Variants in MDGA2 observed in about 807,000 individuals in gnomAD.
MDGA2 encodes MAM domain-containing glycosylphosphatidylinositol anchor protein 2.
MDGA2 carries 40 observed loss-of-function variants against 117.8 expected under a neutral mutation model. That is an observed-to-expected ratio of 0.34 (90% CI 0.26 to 0.44). The LOEUF is 0.44. Among genes scored for constraint, MDGA2 ranks in the 20% least tolerant of loss-of-function variants. The pLI is 1.00. For missense variants in MDGA2, 1,123 were observed against 1,250.6 expected, an observed-to-expected ratio of 0.90 and a Z score of 1.54; for synonymous variants, 452 against 439.0, an observed-to-expected ratio of 1.03 and a Z score of -0.37.
chr14:46,924,331 AATT>A (rs1381863950), intron 9 of MDGA2, among the ~76,000 whole-genome samples: 3 of 152,092 alleles, frequency 2.0e-5, no homozygotes, highest in African/African-American at 7.2e-5. Flanking sequence ...AATTAAAAAC[AATT>A]ATTATTCCCA....
At chr14:47,001,330 A>G (rs1256940884) in intron 8 of MDGA2, among the ~76,000 whole-genome samples, 4 of 152,152 alleles carry the variant, frequency 2.6e-5, no homozygotes, top group Non-Finnish European at 5.9e-5. Context: ...TTAATAAGAA[A>G]TTGAGTTCTG....
chr14:46,861,534 G>A (rs1024279117), intron 14 of MDGA2, among the ~76,000 whole-genome samples: 2 of 151,834 alleles, frequency 1.3e-5, no homozygotes, highest in Non-Finnish European at 3.0e-5. Context: ...AATTATCCCA[G>A]AGGTCTTATT....
At chr14:46,854,991 C>T (rs771742806) in intron 15 of MDGA2, 33 bp downstream of exon 15, 3 of 1,544,982 alleles carry the variant, frequency 1.9e-6, no homozygotes, top group Admixed American at 2.0e-5. Context: ...TGCTCATTTA[C>T]AGCAATTAAT....
At chr14:47,516,968 A>T (rs1894765986) in intron 1 of MDGA2, among the ~76,000 whole-genome samples, 1 of 152,190 alleles carries the variant, frequency 6.6e-6, no homozygotes, top group Non-Finnish European at 1.5e-5. Flanking sequence ...ATAATAAAAA[A>T]ATTGCCCCAT....
At chr14:46,970,371 G>C (rs761993780) in intron 8 of MDGA2, among the ~76,000 whole-genome samples, 8 of 152,108 alleles carry the variant, frequency 5.3e-5, no homozygotes, top group Non-Finnish European at 1.0e-4. Context: ...CAATGGAATG[G>C]AGTAATGAGT....
At chr14:46,932,235 A>G (rs922289995) in intron 9 of MDGA2, among the ~76,000 whole-genome samples, 3 of 151,960 alleles carry the variant, frequency 2.0e-5, no homozygotes, top group African/African-American at 7.2e-5. Flanking sequence ...GGCAACTTCA[A>G]TTTTCTTTTC....
At chr14:47,671,741 TC>T (rs1320467129) in intron 1 of MDGA2, among the ~76,000 whole-genome samples, 1 of 152,354 alleles carries the variant, frequency 6.6e-6, no homozygotes, top group Admixed American at 6.5e-5. Flanking sequence ...TTTAAATTAA[TC>T]ATTCTCAAAG....
intron 3 of MDGA2, among the ~76,000 whole-genome samples, chr14:47,178,312 A>T (rs1884559158): frequency 6.6e-6 from 1 of 152,120 alleles, no homozygotes; most frequent in Non-Finnish European, 1.5e-5. Context: ...CATATCTAAA[A>T]AGCATTCAAG....
At chr14:47,561,158 G>GTTTTT (rs200625450) in intron 1 of MDGA2, among the ~76,000 whole-genome samples, 3 of 55,096 alleles carry the variant, frequency 5.4e-5, no homozygotes, top group Admixed American at 2.5e-4. Flanking sequence ...TTTTTGTTTT[G>GTTTTT]TTTTGTTTTT....
At chr14:47,378,886 A>G (rs9671482) in intron 1 of MDGA2, among the ~76,000 whole-genome samples, 109,763 of 151,926 alleles carry the variant, frequency 0.72, 39,917 homozygotes, top group Middle Eastern at 0.82. Flanking sequence ...GATACTCCTC[A>G]AGAAGAGCAA....
chr14:46,978,468 C>T (rs1886550016), intron 8 of MDGA2, among the ~76,000 whole-genome samples: 1 of 151,900 alleles, frequency 6.6e-6, no homozygotes, highest in African/African-American at 2.4e-5. Context: ...ATATTAATTA[C>T]CAGGCATTAT....
intron 2 of MDGA2, among the ~76,000 whole-genome samples, chr14:47,232,623 T>C (rs999904560): frequency 6.6e-6 from 1 of 152,090 alleles, no homozygotes; most frequent in African/African-American, 2.4e-5. Flanking sequence ...TCAGTACTAC[T>C]ATGCCACCTC....
At chr14:47,437,092 T>C (rs115840822) in intron 1 of MDGA2, among the ~76,000 whole-genome samples, 2 of 152,236 alleles carry the variant, frequency 1.3e-5, no homozygotes, top group East Asian at 3.9e-4. Flanking sequence ...TCTTTTTTTT[T>C]TGTGGTGGGG....
intron 3 of MDGA2, among the ~76,000 whole-genome samples, chr14:47,186,422 C>T (rs1884913495): frequency 6.6e-6 from 1 of 151,360 alleles, no homozygotes; most frequent in African/African-American, 2.4e-5. Context: ...TTCTTATAAA[C>T]CTATAGTACT....
At chr14:47,254,167 C>T (rs1231770203) in intron 2 of MDGA2, among the ~76,000 whole-genome samples, 1 of 152,146 alleles carries the variant, frequency 6.6e-6, no homozygotes, top group East Asian at 1.9e-4. Flanking sequence ...TCTGACATGC[C>T]CTGGAGACAT....
chr14:47,346,698 T>G (rs1890770369), intron 1 of MDGA2, among the ~76,000 whole-genome samples: 3 of 152,232 alleles, frequency 2.0e-5, no homozygotes, highest in South Asian at 4.1e-4. Flanking sequence ...GCACACATCC[T>G]ATTTTTGTTA....
Position 47,134,139 on chromosome 14 carries a change from T to A in MDGA2, c.793-2293A>T, listed in dbSNP as rs1037017609. On this transcript the variant is annotated intron_variant, in intron 4 of 16. Transcript: ENST00000399232. ...CACTTGTTAAATACATGAAATCTAA[T>A]TATGCCATCTCCTTGCCAGACTTCT... Among the ~76,000 whole-genome samples the A allele has an allele frequency of 2.6e-5, 4 of 152,038 alleles. No homozygotes were observed. In the East Asian group the frequency reaches 5.8e-4, roughly 22 times the overall value.
intron 8 of MDGA2, among the ~76,000 whole-genome samples, chr14:47,025,110 A>G (rs1037600671): frequency 6.6e-6 from 1 of 152,190 alleles, no homozygotes; most frequent in Non-Finnish European, 1.5e-5. Flanking sequence ...TTATTATCAA[A>G]TGCAGAAAAA....
chr14:47,336,180 A>G (rs996081475), intron 1 of MDGA2, among the ~76,000 whole-genome samples: 4 of 152,066 alleles, frequency 2.6e-5, no homozygotes, highest in African/African-American at 7.2e-5. Context: ...GTAAATATCA[A>G]CATTTAGGAG....
Sources: allele counts gnomAD v4.1 joint callset (sites outside exome capture counted in the v4.1 genomes callset), GRCh38; gene constraint gnomAD v4.1.1; transcripts MANE v1.5; gene names NCBI Gene and HGNC (gene_info 2026-07-23, HGNC 2026-07-21).